The following GPR137C variants were observed in gnomAD, a reference collection of about 807,000 sequenced individuals.
GPR137C encodes integral membrane protein GPR137C.
GPR137C carries 27 observed loss-of-function variants against 43.4 expected under a neutral mutation model. The observed-to-expected ratio is 0.62, with a 90% confidence interval of 0.46 to 0.86. The LOEUF is 0.86. Among genes scored for constraint, GPR137C ranks in the 40% least tolerant of loss-of-function variants. The pLI, the probability that GPR137C is intolerant of heterozygous loss-of-function variation, is 0.00. For synonymous variants in GPR137C, 285 were observed against 226.9 expected (o/e 1.26, Z -2.30); for missense variants, 522 against 534.6 (o/e 0.98, Z 0.23).
At chr14:52,603,296 T>A (rs2038947492) in intron 3 of GPR137C, among the ~76,000 whole-genome samples, 1 of 152,234 alleles carries the variant, frequency 6.6e-6, no homozygotes, top group South Asian at 2.1e-4. Flanking sequence ...TTTATGCCCA[T>A]GTAATAGTCC....
At chr14:52,585,626 G>T (rs2038703596) in intron 1 of GPR137C, among the ~76,000 whole-genome samples, 2 of 152,142 alleles carry the variant, frequency 1.3e-5, no homozygotes, top group South Asian at 4.1e-4. Flanking sequence ...TTGAGGTCAG[G>T]AGTTTGAGAC....
At chr14:52,579,137 C>G (rs184175102) in intron 1 of GPR137C, among the ~76,000 whole-genome samples, 80 of 152,236 alleles carry the variant, frequency 5.3e-4, no homozygotes, top group African/African-American at 1.9e-3. Context: ...GAGTAAAGGT[C>G]TATTCCAGCA....
Position 52,600,094 on chromosome 14 carries a change from T to C in GPR137C, c.489-19T>C. The C allele has an allele frequency of 6.6e-7, 1 of 1,509,752 alleles. No homozygotes were observed. 93.5% of individuals were successfully genotyped at this position (1,509,752 alleles called of 1,614,324 possible). On this transcript the variant is annotated intron_variant, in intron 2 of 6. Transcript: ENST00000321662. ...TCTTATTAGTTATATAACCATCTAA[T>C]ATACTTTTTTTCTTTCAGAATTCTA...
intron 3 of GPR137C, among the ~76,000 whole-genome samples, chr14:52,627,259 G>T (rs2039238765): frequency 2.0e-5 from 3 of 152,094 alleles, no homozygotes; most frequent in African/African-American, 7.2e-5. Context: ...CAGACATGGT[G>T]GTGTGCACCT....
At position 52,634,952 on chromosome 14, in the gene GPR137C, A is replaced by G; in HGVS notation, c.1127A>G (p.Gln376Arg). 6 of 1,612,192 alleles carry G rather than the reference A, an allele frequency of 3.7e-6. No individual in the cohort carries two copies. Among genetic ancestry groups the G allele is most frequent in the Non-Finnish European group, 5.1e-6 (6 of 1,179,198 alleles). ...TTTTGTTGCAGTTTACCAAATTCGC[A>G]AAGTTTGGGCTGGTATGGCACCATG... ...SSREGSLPNS[Q>R]SLGWYGTMTG... The change falls in exon 7 of 7, where the codon CAA becomes CGA. Residue 376 changes from glutamine (Q) to arginine (R), a missense_variant. Around this residue, in one of 3 missense-constraint regions of GPR137C, gnomAD observed 67 missense variants for 69.0 expected, o/e 0.97. Transcript: ENST00000321662.
intron 1 of GPR137C, among the ~76,000 whole-genome samples, chr14:52,555,197 T>A (rs1340016192): frequency 1.3e-5 from 2 of 152,180 alleles, no homozygotes; most frequent in East Asian, 3.8e-4. Flanking sequence ...GGGCATCAGA[T>A]GACTTGTTTT....
At chr14:52,605,002 A>G (rs999453138) in intron 3 of GPR137C, among the ~76,000 whole-genome samples, 1 of 152,024 alleles carries the variant, frequency 6.6e-6, no homozygotes, top group Non-Finnish European at 1.5e-5. Flanking sequence ...GATGCCTCCA[A>G]CTTCATTCTT....
intron 1 of GPR137C, among the ~76,000 whole-genome samples, chr14:52,578,469 C>T (rs2038596556): frequency 6.6e-6 from 1 of 151,976 alleles, no homozygotes. Context: ...CCTTTTTATT[C>T]TCTGAATTTT....
At chr14:52,589,143 T>C (rs182294423) in intron 1 of GPR137C, among the ~76,000 whole-genome samples, 1 of 152,332 alleles carries the variant, frequency 6.6e-6, no homozygotes, top group Non-Finnish European at 1.5e-5. Context: ...ACAAATATTG[T>C]ATGAATCTAC....
At chr14:52,565,481 G>C (rs560191202) in intron 1 of GPR137C, among the ~76,000 whole-genome samples, 1 of 152,172 alleles carries the variant, frequency 6.6e-6, no homozygotes, top group South Asian at 2.1e-4. Flanking sequence ...ATTATCTTTG[G>C]ATATGCCATC....
intron 1 of GPR137C, 27 bp downstream of exon 1, chr14:52,553,618 G>T (rs1174687656): frequency 2.0e-6 from 3 of 1,515,492 alleles, no homozygotes; most frequent in Non-Finnish European, 2.7e-6. Flanking sequence ...GGCATGCGGG[G>T]CCCGGGCGGG....
At position 52,552,930 on chromosome 14, in the gene GPR137C, G is replaced by T. The variant is rs995941828; in HGVS notation, c.-218G>T. Among the ~76,000 whole-genome samples the T allele has an allele frequency of 6.6e-6, 1 of 151,904 alleles. No individual in the cohort carries two copies. Among genetic ancestry groups the T allele is most frequent in the African/African-American group, 2.4e-5 (1 of 41,372 alleles). Reference sequence around the variant, plus strand: ...CAGCTACGGAGCCGAGCCGCAGCAGGAGGAGCCGAGACCCCCGGGGGGTGG... The same window carrying T: ...CAGCTACGGAGCCGAGCCGCAGCAGTAGGAGCCGAGACCCCCGGGGGGTGG... On this transcript the variant is annotated 5_prime_UTR_variant, in exon 1 of 7. Transcript: ENST00000321662.
intron 3 of GPR137C, among the ~76,000 whole-genome samples, chr14:52,626,970 A>G (rs2039234734): frequency 6.6e-6 from 1 of 152,256 alleles, no homozygotes; most frequent in Non-Finnish European, 1.5e-5. Flanking sequence ...AAGAAGACCT[A>G]AAATTAGTGA....
intron 1 of GPR137C, among the ~76,000 whole-genome samples, chr14:52,559,111 C>G (rs929329395): frequency 5.9e-5 from 9 of 152,196 alleles, no homozygotes; most frequent in Admixed American, 1.3e-4. Flanking sequence ...GGTGCAGTGG[C>G]TCACGCCTCT....
At chr14:52,610,305 C>T (rs552459663) in intron 3 of GPR137C, among the ~76,000 whole-genome samples, 2 of 152,164 alleles carry the variant, frequency 1.3e-5, no homozygotes, top group African/African-American at 4.8e-5. Flanking sequence ...TTTTTCAGTC[C>T]TTTTCTAAAA....
At chr14:52,553,700 T>G in intron 1 of GPR137C, 109 bp downstream of exon 1, 1 of 870,852 alleles carries the variant, frequency 1.1e-6, no homozygotes, top group Non-Finnish European at 1.7e-6. Flanking sequence ...AGAGGCGGAC[T>G]GGAAACCAGC....
chr14:52,599,975 T>A, intron 2 of GPR137C, 138 bp from the exon 3 acceptor site: 1 of 627,208 alleles, frequency 1.6e-6, no homozygotes, highest in Non-Finnish European at 2.8e-6. Flanking sequence ...TATTTCTGAA[T>A]AAATGCTTAA....
At chr14:52,581,080 C>T (rs546420495) in intron 1 of GPR137C, among the ~76,000 whole-genome samples, 16 of 150,658 alleles carry the variant, frequency 1.1e-4, no homozygotes, top group Non-Finnish European at 1.9e-4. Flanking sequence ...CCTGTAATCT[C>T]AGCTACTCAG....
intron 3 of GPR137C, 116 bp from the exon 4 acceptor site, chr14:52,632,044 G>T (rs554923246): frequency 1.6e-6 from 1 of 618,594 alleles, no homozygotes; most frequent in East Asian, 3.0e-5. Flanking sequence ...TATTTCAACA[G>T]GTACTCAGTG....
Sources: allele counts gnomAD v4.1 joint callset (sites outside exome capture counted in the v4.1 genomes callset), GRCh38; gene constraint gnomAD v4.1.1; regional missense constraint gnomAD v4.1.1; transcripts MANE v1.5; gene names NCBI Gene and HGNC (gene_info 2026-07-23, HGNC 2026-07-21).